Variants in KCNH8 observed in about 807,000 individuals in gnomAD.
KCNH8 encodes potassium voltage-gated channel subfamily H member 8, also known as voltage-gated delayed rectifier potassium channel KCNH8.
In KCNH8, 70 loss-of-function variants were observed where a neutral mutation model predicts 103.6. The ratio of observed to expected loss-of-function variants is 0.68; its 90% confidence interval spans 0.56 to 0.82. The LOEUF is 0.82. KCNH8 is among the 40% of genes least tolerant of loss of function. The probability of loss-of-function intolerance (pLI) is 0.00; values close to 1 mark genes in which losing one functional copy is unlikely to be tolerated. For synonymous variants in KCNH8, 498 were observed against 489.4 expected (o/e 1.02, Z -0.23); for missense variants, 1,217 against 1,329.9 (o/e 0.92, Z 1.32).
At chr3:19,258,013 G>T (rs938646410) in intron 2 of KCNH8, among the ~76,000 whole-genome samples, 1 of 151,960 alleles carries the variant, frequency 6.6e-6, no homozygotes. Flanking sequence ...CTATGTGATG[G>T]TCTGTGTCCA....
intron 7 of KCNH8, among the ~76,000 whole-genome samples, chr3:19,427,976 C>G (rs575328427): frequency 6.6e-6 from 1 of 152,146 alleles, no homozygotes; most frequent in African/African-American, 2.4e-5. Flanking sequence ...TCATTAATAT[C>G]AAAACCTTGA....
chr3:19,495,536 A>G (rs1307250715), intron 11 of KCNH8, among the ~76,000 whole-genome samples: 2 of 151,980 alleles, frequency 1.3e-5, no homozygotes, highest in African/African-American at 2.4e-5. Context: ...CTTATTTCTG[A>G]GATCTCTATT....
chr3:19,414,206 A>G (rs370428410), intron 7 of KCNH8, among the ~76,000 whole-genome samples: 3 of 152,252 alleles, frequency 2.0e-5, no homozygotes, highest in Admixed American at 1.3e-4. Flanking sequence ...TCAAAAGTAA[A>G]AGAAACATTA....
chr3:19,375,973 T>C (rs891857772), intron 5 of KCNH8, among the ~76,000 whole-genome samples: 69 of 152,204 alleles, frequency 4.5e-4, no homozygotes, highest in South Asian at 8.3e-4. Flanking sequence ...TCTCCAGCTG[T>C]GTGCTGGGAG....
chr3:19,480,573 G>C (rs1233677823), intron 11 of KCNH8, among the ~76,000 whole-genome samples: 1 of 152,162 alleles, frequency 6.6e-6, no homozygotes, highest in Non-Finnish European at 1.5e-5. Flanking sequence ...GAGCCTATGA[G>C]AGCTCTTATA....
At chr3:19,259,665 C>T (rs553327852) in intron 2 of KCNH8, among the ~76,000 whole-genome samples, 2 of 151,510 alleles carry the variant, frequency 1.3e-5, no homozygotes, top group Non-Finnish European at 2.9e-5. Flanking sequence ...ATAGTAAATG[C>T]CCCAAAAAGC....
intron 3 of KCNH8, among the ~76,000 whole-genome samples, chr3:19,328,889 T>C: frequency 6.6e-6 from 1 of 152,166 alleles, no homozygotes; most frequent in East Asian, 1.9e-4. Context: ...TGGTGGGTGT[T>C]GCTGGATGAT....
chr3:19,505,254 T>A (rs1157380816), intron 11 of KCNH8, among the ~76,000 whole-genome samples: 1 of 151,800 alleles, frequency 6.6e-6, no homozygotes, highest in African/African-American at 2.4e-5. Flanking sequence ...AACTAAATGA[T>A]GAAAACACAT....
At chr3:19,418,541 A>C (rs2066895914) in intron 7 of KCNH8, among the ~76,000 whole-genome samples, 1 of 152,198 alleles carries the variant, frequency 6.6e-6, no homozygotes, top group Non-Finnish European at 1.5e-5. Flanking sequence ...CATCGTATAA[A>C]GCCCAAACAA....
intron 3 of KCNH8, among the ~76,000 whole-genome samples, chr3:19,288,649 T>G (rs369273967): frequency 2.0e-5 from 3 of 152,146 alleles, no homozygotes; most frequent in Admixed American, 1.3e-4. Flanking sequence ...ATTTGGGTTG[T>G]TTCCAAGTCT....
chr3:19,162,351 A>G, intron 1 of KCNH8, among the ~76,000 whole-genome samples: 1 of 147,916 alleles, frequency 6.8e-6, no homozygotes, highest in African/African-American at 2.6e-5. Context: ...ATCTGTAACT[A>G]AAAATACAAA....
At chr3:19,407,837 G>T (rs1221168209) in intron 7 of KCNH8, among the ~76,000 whole-genome samples, 2 of 152,082 alleles carry the variant, frequency 1.3e-5, no homozygotes, top group Non-Finnish European at 2.9e-5. Context: ...AGCTTCAGCT[G>T]CCCCTATTAC....
chr3:19,338,003 G>A (rs971932167), intron 3 of KCNH8, among the ~76,000 whole-genome samples: 3 of 151,778 alleles, frequency 2.0e-5, no homozygotes, highest in African/African-American at 4.8e-5. Flanking sequence ...GAGAGGCGGG[G>A]GGGGGAGAAA....
chr3:19,339,877 C>G (rs1162169626), intron 3 of KCNH8, among the ~76,000 whole-genome samples: 1 of 151,888 alleles, frequency 6.6e-6, no homozygotes, highest in Non-Finnish European at 1.5e-5. Context: ...ATTATAATAC[C>G]TGTTACTCTA....
At chr3:19,400,179 T>C (rs1231532421) in intron 7 of KCNH8, among the ~76,000 whole-genome samples, 3 of 124,298 alleles carry the variant, frequency 2.4e-5, no homozygotes, top group African/African-American at 6.5e-5. Flanking sequence ...TCTCCATTAC[T>C]ATATACAATG....
rs2068907422 is a variant in KCNH8, at chr3:19,518,140, G to A, written c.2619+66G>A. 18 of 1,283,546 alleles carry A rather than the reference G, an allele frequency of 1.4e-5. 1 individual carries two copies. The South Asian group carries it at 2.0e-4, about 14-fold the overall frequency. The allele number at this position is 1,283,546 out of a possible 1,614,324, so 79.5% of individuals were successfully genotyped here. Reference sequence around the variant, plus strand: ...GAGATATAAATCCTAGTTACTCGCAGAAGCAGTGTAATATAGTAGTTACAA... The same window carrying A: ...GAGATATAAATCCTAGTTACTCGCAAAAGCAGTGTAATATAGTAGTTACAA... On this transcript the variant is annotated intron_variant, in intron 15 of 15. Transcript: ENST00000328405.
chr3:19,269,398 A>G (rs1471973002), intron 2 of KCNH8, among the ~76,000 whole-genome samples: 1 of 152,146 alleles, frequency 6.6e-6, no homozygotes, highest in Non-Finnish European at 1.5e-5. Context: ...TGAAACAGTA[A>G]AAGAAATCTT....
intron 8 of KCNH8, among the ~76,000 whole-genome samples, chr3:19,443,261 G>A (rs1395163533): frequency 6.6e-6 from 1 of 151,370 alleles, no homozygotes; most frequent in Non-Finnish European, 1.5e-5. Context: ...ATCAAGGACA[G>A]AGATAATATT....
chr3:19,221,310 C>A (rs773310870), intron 1 of KCNH8, among the ~76,000 whole-genome samples: 5 of 152,158 alleles, frequency 3.3e-5, no homozygotes, highest in Non-Finnish European at 7.3e-5. Flanking sequence ...AGATTTTGCC[C>A]CAGGTTGGAT....
Sources: gnomAD v4.1 joint callset for allele counts (sites outside exome capture counted in the v4.1 genomes callset) on GRCh38, gnomAD v4.1.1 for gene constraint, MANE v1.5 for transcripts, NCBI Gene and HGNC (gene_info 2026-07-23, HGNC 2026-07-21) for gene names.